The following ADAMTSL1 variants were observed in gnomAD, a reference collection of about 807,000 sequenced individuals.
ADAMTSL1 encodes ADAMTS-like protein 1.
In ADAMTSL1, 126 loss-of-function variants were observed where a neutral mutation model predicts 201.8. The observed-to-expected ratio is 0.62, with a 90% CI of 0.54 to 0.72. ADAMTSL1 has a LOEUF of 0.72. ADAMTSL1 is among the 30% of genes least tolerant of loss of function. The pLI, the probability that ADAMTSL1 is intolerant of heterozygous loss-of-function variation, is 0.00. For missense variants in ADAMTSL1, 2,679 were observed against 2,277.8 expected, an observed-to-expected ratio of 1.18 and a Z score of -3.59; for synonymous variants, 1,121 against 903.4, an observed-to-expected ratio of 1.24 and a Z score of -4.32.
At chr9:18,660,735 A>C (rs561503694) in intron 8 of ADAMTSL1, among the ~76,000 whole-genome samples, 1 of 152,196 alleles carries the variant, frequency 6.6e-6, no homozygotes, top group East Asian at 1.9e-4. Flanking sequence ...CAAATATTGG[A>C]TAGAAAAAGT....
At chr9:18,320,958 A>T (rs771364474) in intron 2 of ADAMTSL1, among the ~76,000 whole-genome samples, 5 of 152,110 alleles carry the variant, frequency 3.3e-5, no homozygotes, top group Non-Finnish European at 5.9e-5. Flanking sequence ...CAAATAACAA[A>T]ATAATAGATA....
chr9:18,275,075 TC>T (rs2132599547), intron 2 of ADAMTSL1, among the ~76,000 whole-genome samples: 1 of 152,298 alleles, frequency 6.6e-6, no homozygotes, highest in South Asian at 2.1e-4. Flanking sequence ...AGACAATACA[TC>T]TTTTGTCCAT....
At chr9:18,651,418 C>T (rs10963707) in intron 7 of ADAMTSL1, 27,362 of 152,212 alleles carry the variant, frequency 0.18, 2,802 homozygotes, top group Middle Eastern at 0.25. Context: ...TCTGGTTTTG[C>T]TCACTTGAAA....
intron 2 of ADAMTSL1, among the ~76,000 whole-genome samples, chr9:18,288,499 C>T (rs1833114244): frequency 6.6e-6 from 1 of 152,014 alleles, no homozygotes; most frequent in Non-Finnish European, 1.5e-5. Context: ...ATATTGTATA[C>T]ATTACTTAGG....
intron 1 of ADAMTSL1, among the ~76,000 whole-genome samples, chr9:18,153,116 C>T (rs1196553090): frequency 9.9e-5 from 15 of 151,982 alleles, no homozygotes. Flanking sequence ...TTTATATTAG[C>T]CACATTTCAC....
intron 4 of ADAMTSL1, among the ~76,000 whole-genome samples, chr9:18,577,582 C>G (rs1359239369): frequency 1.3e-5 from 2 of 152,100 alleles, no homozygotes; most frequent in Non-Finnish European, 2.9e-5. Flanking sequence ...CTCCATTTTT[C>G]AATCTGTGGA....
chr9:18,587,142 T>C (rs1823554051), intron 4 of ADAMTSL1, among the ~76,000 whole-genome samples: 1 of 152,034 alleles, frequency 6.6e-6, no homozygotes, highest in South Asian at 2.1e-4. Flanking sequence ...CAAAAGAAAC[T>C]ATCAACAGAG....
intron 20 of ADAMTSL1, among the ~76,000 whole-genome samples, chr9:18,807,927 G>A (rs367952288): frequency 6.6e-5 from 10 of 152,110 alleles, no homozygotes; most frequent in African/African-American, 2.2e-4. Flanking sequence ...TTGTAATCGT[G>A]TCCACAAACA....
intron 20 of ADAMTSL1, among the ~76,000 whole-genome samples, chr9:18,813,347 C>G (rs1823633061): frequency 6.6e-6 from 1 of 152,142 alleles, no homozygotes; most frequent in Non-Finnish European, 1.5e-5. Flanking sequence ...ATTGTTCTTT[C>G]TATTTTTGTA....
At chr9:17,974,292 G>A (rs1001022527) in intron 1 of ADAMTSL1, among the ~76,000 whole-genome samples, 5 of 152,016 alleles carry the variant, frequency 3.3e-5, no homozygotes, top group East Asian at 1.9e-4. Context: ...ATGAGGAAAA[G>A]AGGAAGTCAA....
rs757541556 is a variant in ADAMTSL1 at position 17,947,304 on chromosome 9, T to TACAC, written c.87+40386_87+40389dup. 1.2e-3 allele frequency among the ~76,000 whole-genome samples: 101 copies of TACAC among 85,918 alleles called. 1 individual carries two copies. In the East Asian group the frequency reaches 0.024, roughly 20 times the overall value. 56.4% of individuals were successfully genotyped at this position (85,918 alleles called of 152,430 possible). ...GAAAAATTGTAAGGCATTTACCTTA[T>TACAC]ACACACATACACACACACACACACA... On this transcript the variant is annotated intron_variant, in intron 1 of 29. Transcript: ENST00000680146.
intron 1 of ADAMTSL1, among the ~76,000 whole-genome samples, chr9:18,487,968 G>A (rs983076177): frequency 4.6e-5 from 7 of 152,134 alleles, no homozygotes; most frequent in Non-Finnish European, 8.8e-5. Flanking sequence ...ATAGTTTAGT[G>A]AGTGGCATTT....
At position 18,506,434 on chromosome 9, in the gene ADAMTSL1, G is replaced by A. The variant is rs147083873; in HGVS notation, c.191+1478G>A. ...AACATGTGTCTCACAAAACTGATAAGAAACAAAGGGGAATTTTCATATTGT... is the reference window on the plus strand; with the variant it reads ...AACATGTGTCTCACAAAACTGATAAAAAACAAAGGGGAATTTTCATATTGT... On this transcript the variant is annotated intron_variant, in intron 2 of 28. Coordinates refer to ENST00000380548, the MANE Select transcript of ADAMTSL1 (RefSeq NM_001040272.6). 2.0e-3 allele frequency among the ~76,000 whole-genome samples: 310 copies of A among 152,244 alleles called. 1 individual carries two copies. The highest frequency in any genetic ancestry group is 7.1e-3 in the African/African-American group (296 of 41,540).
chr9:18,240,078 A>G (rs1331222188), intron 2 of ADAMTSL1, among the ~76,000 whole-genome samples: 1 of 152,210 alleles, frequency 6.6e-6, no homozygotes, highest in Non-Finnish European at 1.5e-5. Context: ...AATGGCATCT[A>G]GAAAGGTGAC....
chr9:17,917,968 C>T (rs997966249), intron 1 of ADAMTSL1, among the ~76,000 whole-genome samples: 2 of 151,800 alleles, frequency 1.3e-5, no homozygotes, highest in Non-Finnish European at 2.9e-5. Context: ...GTTCATAGTG[C>T]TCCTTTATTA....
intron 1 of ADAMTSL1, among the ~76,000 whole-genome samples, chr9:18,129,777 T>C (rs137907730): frequency 1.3e-5 from 2 of 152,326 alleles, no homozygotes; most frequent in African/African-American, 4.8e-5. Context: ...GAGTCAGAAC[T>C]GCAAAATGGT....
intron 1 of ADAMTSL1, among the ~76,000 whole-genome samples, chr9:17,945,503 A>T (rs1424417591): frequency 6.6e-6 from 1 of 151,880 alleles, no homozygotes; most frequent in African/African-American, 2.4e-5. Flanking sequence ...GTGGCTGTAA[A>T]GACACATGCA....
intron 2 of ADAMTSL1, among the ~76,000 whole-genome samples, chr9:18,291,487 C>T (rs1833259091): frequency 6.6e-6 from 1 of 152,068 alleles, no homozygotes; most frequent in African/African-American, 2.4e-5. Context: ...GTGCACTGTC[C>T]TCCTCAACTT....
intron 1 of ADAMTSL1, among the ~76,000 whole-genome samples, chr9:18,059,495 A>G (rs1313304112): frequency 1.3e-5 from 2 of 152,240 alleles, no homozygotes; most frequent in Non-Finnish European, 2.9e-5. Context: ...ACTTTGGTGT[A>G]TATGATCTAT....
Sources: allele counts gnomAD v4.1 joint callset (sites outside exome capture counted in the v4.1 genomes callset), GRCh38; gene constraint gnomAD v4.1.1; transcripts MANE v1.5; gene names NCBI Gene and HGNC (gene_info 2026-07-23, HGNC 2026-07-21).